Variants in SFXN5 observed in about 807,000 individuals in gnomAD.
SFXN5 encodes sideroflexin 5.
SFXN5 carries 43 observed loss-of-function variants against 50.2 expected under a neutral mutation model. That is an observed-to-expected ratio of 0.86 (90% confidence interval 0.67 to 1.11). The LOEUF is 1.11. Ranked by LOEUF, SFXN5 falls within the 50% of genes least tolerant of loss-of-function variation. SFXN5 has a pLI of 0.00. For synonymous variants in SFXN5, 203 were observed against 185.8 expected, an observed-to-expected ratio of 1.09 and a Z score of -0.75; for missense variants, 463 against 454.1, an observed-to-expected ratio of 1.02 and a Z score of -0.18.
intron 6 of SFXN5, among the ~76,000 whole-genome samples, chr2:73,014,071 A>T (rs1675866784): frequency 6.6e-6 from 1 of 152,100 alleles, no homozygotes; most frequent in African/African-American, 2.4e-5. Context: ...ATATTCATAA[A>T]TGTCGCCCTT....
chr2:73,006,510 T>C (rs958607958), intron 6 of SFXN5, among the ~76,000 whole-genome samples: 2 of 151,776 alleles, frequency 1.3e-5, no homozygotes, highest in South Asian at 2.1e-4. Flanking sequence ...TAATCCCAGC[T>C]ACTTGGGAGG....
intron 12 of SFXN5, 139 bp downstream of exon 12, chr2:72,968,309 C>G (rs1264827050): frequency 2.8e-6 from 2 of 712,566 alleles, no homozygotes; most frequent in Non-Finnish European, 4.8e-6. Flanking sequence ...CAAGATGGAG[C>G]AAGACACCTT....
intron 6 of SFXN5, among the ~76,000 whole-genome samples, chr2:73,009,182 C>A (rs1050421551): frequency 6.6e-6 from 1 of 152,190 alleles, no homozygotes; most frequent in East Asian, 1.9e-4. Flanking sequence ...TATTTTCTTA[C>A]CCACTCCATC....
chr2:73,059,129 C>G (rs999171497), intron 1 of SFXN5: 19 of 987,944 alleles, frequency 1.9e-5, no homozygotes, highest in Admixed American at 5.9e-5. Context: ...AGCCCTGTAG[C>G]TGCTGAAGTG....
intron 2 of SFXN5, among the ~76,000 whole-genome samples, chr2:73,043,884 C>T (rs13388404): frequency 0.26 from 40,046 of 152,032 alleles, 5,603 homozygotes; most frequent in East Asian, 0.5. Context: ...TGTGTTGTTT[C>T]AACTTGCTTA....
intron 13 of SFXN5, among the ~76,000 whole-genome samples, chr2:72,952,018 T>G (rs1378354339): frequency 6.6e-6 from 1 of 152,212 alleles, no homozygotes; most frequent in Non-Finnish European, 1.5e-5. Flanking sequence ...TGAGTGTCTT[T>G]GGAGAGCAGA....
At chr2:72,965,619 A>G (rs1326462500) in intron 12 of SFXN5, among the ~76,000 whole-genome samples, 1 of 152,116 alleles carries the variant, frequency 6.6e-6, no homozygotes, top group Non-Finnish European at 1.5e-5. Flanking sequence ...GCCCATCTGT[A>G]TGCTCCCCTA....
At chr2:72,947,372 G>A (rs1672070556) in intron 13 of SFXN5, among the ~76,000 whole-genome samples, 2 of 152,240 alleles carry the variant, frequency 1.3e-5, no homozygotes, top group Admixed American at 6.5e-5. Context: ...CAGGGACTGA[G>A]CCCGTGGGGA....
At chr2:73,046,757 T>G (rs532858176) in intron 2 of SFXN5, among the ~76,000 whole-genome samples, 1 of 152,312 alleles carries the variant, frequency 6.6e-6, no homozygotes, top group Non-Finnish European at 1.5e-5. Flanking sequence ...ACTTGAAGTA[T>G]CTAAGGGTAC....
At chr2:73,006,668 G>A (rs1408335523) in intron 6 of SFXN5, among the ~76,000 whole-genome samples, 1 of 152,078 alleles carries the variant, frequency 6.6e-6, no homozygotes, top group African/African-American at 2.4e-5. Flanking sequence ...CTGAAGTGTT[G>A]TGGATGTTTT....
intron 9 of SFXN5, among the ~76,000 whole-genome samples, chr2:72,996,333 C>A (rs1366067655): frequency 6.6e-6 from 1 of 152,096 alleles, no homozygotes; most frequent in Non-Finnish European, 1.5e-5. Flanking sequence ...GCTCTGGGAA[C>A]CCCAGAGGGC....
intron 3 of SFXN5, among the ~76,000 whole-genome samples, chr2:73,037,110 G>C (rs568389050): frequency 1.1e-3 from 161 of 152,320 alleles, no homozygotes; most frequent in African/African-American, 3.5e-3. Context: ...CCCTCCTTCT[G>C]TAGGGTCTTG....
chr2:73,055,045 G>C (rs1247655828), intron 2 of SFXN5, among the ~76,000 whole-genome samples: 1 of 152,242 alleles, frequency 6.6e-6, no homozygotes, highest in East Asian at 1.9e-4. Flanking sequence ...CCCTGGACAT[G>C]AGGGGGGATG....
intron 1 of SFXN5, among the ~76,000 whole-genome samples, chr2:73,066,997 A>G (rs1053506784): frequency 6.6e-6 from 1 of 152,178 alleles, no homozygotes; most frequent in Admixed American, 6.5e-5. Context: ...GTGAGCCATT[A>G]ATTACTGTTC....
At chr2:73,027,524 T>C (rs558352660) in intron 3 of SFXN5, among the ~76,000 whole-genome samples, 1 of 152,304 alleles carries the variant, frequency 6.6e-6, no homozygotes. Flanking sequence ...GATATGTGTT[T>C]ATAAAGCCTA....
At chr2:73,037,253 C>A (rs922860225) in intron 3 of SFXN5, among the ~76,000 whole-genome samples, 26 of 152,182 alleles carry the variant, frequency 1.7e-4, no homozygotes, top group Non-Finnish European at 3.2e-4. Flanking sequence ...AGGGTCACCC[C>A]TTCCACGGCT....
chr2:72,960,142 T>C lies in SFXN5; in HGVS notation c.945+989A>G, dbSNP rs1299563853. Among the ~76,000 whole-genome samples, 2 of 152,082 alleles carry C rather than the reference T, an allele frequency of 1.3e-5. No individual in the cohort carries two copies. Among genetic ancestry groups the C allele is most frequent in the Non-Finnish European group, 2.9e-5 (2 of 68,012 alleles). ...CTCGATTCCAGCACTGTTGTCATGC[T>C]GGTAGGCTCTACTTCTATCCCTCCA... On this transcript the variant is annotated intron_variant, in intron 13 of 13. Coordinates refer to ENST00000272433, the MANE Select transcript of SFXN5 (RefSeq NM_144579.3). The surrounding 1 kb of genome is among the most constrained non-coding windows in gnomAD (Gnocchi z 6.1).
chr2:73,031,553 G>C (rs13414995), intron 3 of SFXN5, among the ~76,000 whole-genome samples: 4,708 of 152,312 alleles, frequency 0.031, 239 homozygotes, highest in African/African-American at 0.11. Flanking sequence ...CCCATTTGGG[G>C]TTATTGGAAA....
intron 5 of SFXN5, among the ~76,000 whole-genome samples, chr2:73,022,070 T>C (rs1676965865): frequency 6.6e-6 from 1 of 152,056 alleles, no homozygotes; most frequent in Admixed American, 6.5e-5. Flanking sequence ...AATGGCAGGA[T>C]CAGAGAACAG....
Sources: allele counts gnomAD v4.1 joint callset (sites outside exome capture counted in the v4.1 genomes callset), GRCh38; gene constraint gnomAD v4.1.1; non-coding constraint Gnocchi (gnomAD v3.1); transcripts MANE v1.5; gene names NCBI Gene and HGNC (gene_info 2026-07-23, HGNC 2026-07-21).